The following USP34 variants were observed in gnomAD, a reference collection of about 807,000 sequenced individuals.
USP34 encodes ubiquitin carboxyl-terminal hydrolase 34.
USP34 carries 70 observed loss-of-function variants against 460.3 expected under a neutral mutation model. That is an observed-to-expected ratio of 0.15 (90% CI 0.13 to 0.19). The LOEUF is 0.19. Ranked by LOEUF, USP34 falls within the 10% of genes least tolerant of loss-of-function variation. The pLI is 1.00. For missense variants in USP34, 3,985 were observed against 4,236.2 expected, an observed-to-expected ratio of 0.94 and a Z score of 1.65; for synonymous variants, 1,647 against 1,405.3, an observed-to-expected ratio of 1.17 and a Z score of -3.85.
At chr2:61,204,225 C>G in intron 74 of USP34, 31 bp downstream of exon 74, 1 of 1,613,814 alleles carries the variant, frequency 6.2e-7, no homozygotes, top group Non-Finnish European at 8.5e-7. Flanking sequence ...TGTACTATAG[C>G]AACATGGATT....
At position 61,428,712 on chromosome 2, in the gene USP34, T is replaced by C. The variant is rs1014475427; in HGVS notation, c.44-7879A>G. Among the ~76,000 whole-genome samples the C allele has an allele frequency of 2.0e-5, 3 of 152,174 alleles. No homozygotes were observed. In the East Asian group the frequency reaches 5.8e-4, roughly 29 times the overall value. ...TAAGCAAGCCACGGAACGAGCAGTT[T>C]CTGCAACAAATAAAAAGAAAGAGGG... On this transcript the variant is annotated intron_variant, in intron 1 of 79. Coordinates refer to ENST00000398571, the MANE Select transcript of USP34 (RefSeq NM_014709.4).
At chr2:61,416,854 A>C in intron 2 of USP34, 1 of 494,158 alleles carries the variant, frequency 2.0e-6, no homozygotes, top group Non-Finnish European at 3.4e-6. Flanking sequence ...ATGTATTGGT[A>C]TTAAGAGGGG....
rs1693022655 is a variant in USP34 at position 61,383,071 on chromosome 2, CAA to C, written c.821+196_821+197del. Reference sequence around the variant, plus strand: ...TTACATACTCATGTAAAAAAAAGTCCAACATAATTTACTAAAAAGTAACCATT... The same window carrying C: ...TTACATACTCATGTAAAAAAAAGTCCCATAATTTACTAAAAAGTAACCATT... On this transcript the variant is annotated intron_variant, in intron 6 of 79. Transcript: ENST00000398571. Among the ~76,000 whole-genome samples the C allele has an allele frequency of 2.0e-5, 3 of 152,048 alleles. No homozygotes were observed. In the South Asian group the frequency reaches 6.2e-4, roughly 32 times the overall value.
At chr2:61,263,373 G>C (rs1160975383) in intron 43 of USP34, among the ~76,000 whole-genome samples, 1 of 151,662 alleles carries the variant, frequency 6.6e-6, no homozygotes, top group Non-Finnish European at 1.5e-5. Flanking sequence ...AGGAGACATG[G>C]CTTCACTATG....
At chr2:61,389,592 C>G (rs145558331) in intron 5 of USP34, among the ~76,000 whole-genome samples, 55 of 152,120 alleles carry the variant, frequency 3.6e-4, no homozygotes, top group African/African-American at 1.2e-3. Context: ...GTAATGAAAA[C>G]AAAATTACAT....
intron 44 of USP34, among the ~76,000 whole-genome samples, chr2:61,258,225 A>G (rs544323673): frequency 6.6e-6 from 1 of 152,222 alleles, no homozygotes; most frequent in African/African-American, 2.4e-5. Context: ...ATGGTGGTAC[A>G]AGCCTGTGGT....
chr2:61,463,039 GA>G (rs565357323), intron 1 of USP34, among the ~76,000 whole-genome samples: 27 of 151,800 alleles, frequency 1.8e-4, no homozygotes, highest in South Asian at 1.0e-3. Flanking sequence ...CCAAAGGGGG[GA>G]AAAAAATTCC....
chr2:61,423,832 T>C (rs1694432387), intron 1 of USP34, among the ~76,000 whole-genome samples: 1 of 152,202 alleles, frequency 6.6e-6, no homozygotes, highest in African/African-American at 2.4e-5. Context: ...ATGCCTATAG[T>C]TCTAGCTACT....
chr2:61,336,809 C>CAAAAAAA (rs10593128), intron 18 of USP34, among the ~76,000 whole-genome samples: 3 of 65,048 alleles, frequency 4.6e-5, no homozygotes, highest in Admixed American at 2.0e-4. Context: ...GACTCCATCT[C>CAAAAAAA]AAAAAAAAAA....
chr2:61,406,138 A>C lies in USP34; in HGVS notation c.132-10T>G. 2 of 1,511,504 alleles carry C rather than the reference A, an allele frequency of 1.3e-6. No individual in the cohort carries two copies. The allele number at this position is 1,511,504 out of a possible 1,614,324, so 93.6% of individuals were successfully genotyped here. On this transcript the variant is annotated splice_polypyrimidine_tract_variant and intron_variant, in intron 2 of 79. Transcript: ENST00000398571. ...GCAGCATAGACATTGCCTATAAGAG[A>C]AAAAAAATTGAATAAATTAGTAATA...
chr2:61,257,158 A>G (rs1572877009), intron 45 of USP34, 46 bp downstream of exon 45: 1 of 1,581,912 alleles, frequency 6.3e-7, no homozygotes, highest in South Asian at 1.2e-5. Flanking sequence ...AACGCAGGCA[A>G]ATTTGTTCAA....
At chr2:61,425,517 G>T (rs910799551) in intron 1 of USP34, among the ~76,000 whole-genome samples, 1 of 152,034 alleles carries the variant, frequency 6.6e-6, no homozygotes, top group African/African-American at 2.4e-5. Context: ...AAGAAAACCA[G>T]ATCAAACCCA....
chr2:61,198,444 T>C (rs1686872133), intron 75 of USP34, among the ~76,000 whole-genome samples: 1 of 152,204 alleles, frequency 6.6e-6, no homozygotes, highest in Non-Finnish European at 1.5e-5. Context: ...ATCCTCTGTA[T>C]ATTGGGAGGC....
At chr2:61,240,839 G>A (rs906947090) in intron 53 of USP34, among the ~76,000 whole-genome samples, 1 of 151,222 alleles carries the variant, frequency 6.6e-6, no homozygotes, top group African/African-American at 2.5e-5. Flanking sequence ...TTCCCAAAGT[G>A]CTGGGATTAT....
intron 8 of USP34, among the ~76,000 whole-genome samples, chr2:61,372,863 C>A (rs141363627): frequency 7.9e-5 from 12 of 152,120 alleles, no homozygotes; most frequent in African/African-American, 2.9e-4. Flanking sequence ...ATTTCAATAC[C>A]CCAAACTTCC....
At chr2:61,224,613 G>A (rs1687677673) in intron 62 of USP34, among the ~76,000 whole-genome samples, 1 of 152,110 alleles carries the variant, frequency 6.6e-6, no homozygotes, top group South Asian at 2.1e-4. Context: ...TTGCCACGAA[G>A]TATACTTGCA....
intron 68 of USP34, among the ~76,000 whole-genome samples, 195 bp from the exon 69 acceptor site, chr2:61,212,124 G>A (rs1467288684): frequency 2.0e-5 from 3 of 152,306 alleles, no homozygotes; most frequent in African/African-American, 7.2e-5. Context: ...CTGATGCCTA[G>A]CACTTTGGGA....
At chr2:61,416,418 G>C (rs181327614) in intron 2 of USP34, among the ~76,000 whole-genome samples, 281 of 152,322 alleles carry the variant, frequency 1.8e-3, no homozygotes, top group African/African-American at 6.6e-3. Flanking sequence ...GGCGTCCAGA[G>C]TTCTTATATA....
At chr2:61,221,794 A>G (rs1482196143) in intron 65 of USP34, 188 bp from the exon 66 acceptor site, 2 of 450,880 alleles carry the variant, frequency 4.4e-6, no homozygotes, top group African/African-American at 4.1e-5. Flanking sequence ...TACAAAGTCA[A>G]CCGGGAACCA....
Sources: gnomAD v4.1 joint callset for allele counts (sites outside exome capture counted in the v4.1 genomes callset) on GRCh38, gnomAD v4.1.1 for gene constraint, MANE v1.5 for transcripts, NCBI Gene and HGNC (gene_info 2026-07-23, HGNC 2026-07-21) for gene names.